The following NRF1 variants were observed in gnomAD, a reference collection of about 807,000 sequenced individuals.
NRF1 encodes alpha palindromic-binding protein.
In NRF1, 5 loss-of-function variants were observed where a neutral mutation model predicts 58.5. The ratio of observed to expected loss-of-function variants is 0.09; its 90% CI spans 0.04 to 0.18. NRF1 has a LOEUF of 0.18. Ranked by LOEUF, NRF1 falls within the 10% of genes least tolerant of loss-of-function variation. The pLI, the probability that NRF1 is intolerant of heterozygous loss-of-function variation, is 1.00. For missense variants in NRF1, 288 were observed against 657.7 expected, an observed-to-expected ratio of 0.44 and a Z score of 6.15; for synonymous variants, 224 against 246.7, an observed-to-expected ratio of 0.91 and a Z score of 0.86.
At chr7:129,744,319 G>A in intron 10 of NRF1, 1 of 1,144,734 alleles carries the variant, frequency 8.7e-7, no homozygotes, top group South Asian at 1.3e-5. Context: ...TGCTTGGATG[G>A]TGGGATTCCT....
rs147986325 is a variant in NRF1, at chr7:129,674,957, G to A, written c.339-2675G>A. ...CTTTCCTGAACGATTTCTCTGTAACGTGGTGCTGTTTGATAGCATTTTACC... is the reference window on the plus strand; with the variant it reads ...CTTTCCTGAACGATTTCTCTGTAACATGGTGCTGTTTGATAGCATTTTACC... On this transcript the variant is annotated intron_variant, in intron 3 of 10. Transcript: ENST00000393232. 9.3e-3 allele frequency among the ~76,000 whole-genome samples: 1,422 copies of A among 152,254 alleles called. 19 individuals carry two copies. The highest frequency in any genetic ancestry group is 0.033 in the African/African-American group (1,355 of 41,538).
At chr7:129,669,300 T>G (rs1801993147) in intron 2 of NRF1, among the ~76,000 whole-genome samples, 1 of 152,198 alleles carries the variant, frequency 6.6e-6, no homozygotes, top group Non-Finnish European at 1.5e-5. Flanking sequence ...AATGTATACT[T>G]GGATTTGTAT....
chr7:129,645,781 A>G (rs1381351237), intron 1 of NRF1, among the ~76,000 whole-genome samples: 6 of 152,152 alleles, frequency 3.9e-5, no homozygotes, highest in Non-Finnish European at 8.8e-5. Flanking sequence ...GATATCACCT[A>G]CTTTCCTGTC....
Position 129,709,228 on chromosome 7 carries a change from CAG to C in NRF1, c.763_764del (p.Arg255GlyfsTer12). ...RSDVRTEEQK[Q>X]RVSWTQALRT... The stretch of plus-strand genomic sequence containing the variant: ...TGATGTCCGCACAGAAGAGCAAAAG[CAG>C]AGGGTGAGAGTTCCTCTGACTGAGT... On this transcript the variant is annotated frameshift_variant, in exon 6 of 11. Transcript: ENST00000393232. LOFTEE classifies it high-confidence loss of function. The C allele has an allele frequency of 6.7e-7, 1 of 1,484,926 alleles. No homozygotes were observed. The highest frequency in any genetic ancestry group is 9.0e-7 in the Non-Finnish European group (1 of 1,108,894). 92.0% of individuals were successfully genotyped at this position (1,484,926 alleles called of 1,614,324 possible). A position where few individuals can be genotyped will look rare whatever the true frequency, so the allele number is the denominator to read the frequency against.
chr7:129,679,544 A>G (rs555861858), intron 4 of NRF1, among the ~76,000 whole-genome samples: 66 of 152,170 alleles, frequency 4.3e-4, no homozygotes, highest in African/African-American at 1.5e-3. Context: ...ATATGGTGAA[A>G]CCCCATCTCT....
intron 9 of NRF1, among the ~76,000 whole-genome samples, chr7:129,721,741 A>G (rs1803332022): frequency 6.6e-6 from 1 of 152,150 alleles, no homozygotes; most frequent in Non-Finnish European, 1.5e-5. Flanking sequence ...TCAGCCTCCC[A>G]AAGTGCTGGG....
chr7:129,686,554 A>G (rs1474762128), intron 4 of NRF1, among the ~76,000 whole-genome samples: 1 of 152,232 alleles, frequency 6.6e-6, no homozygotes, highest in Admixed American at 6.5e-5. Flanking sequence ...ATTAAGCCTC[A>G]GTTTTCTTAT....
intron 8 of NRF1, among the ~76,000 whole-genome samples, chr7:129,713,671 G>A (rs1180822412): frequency 2.0e-5 from 3 of 152,202 alleles, no homozygotes; most frequent in South Asian, 2.1e-4. Context: ...ATAGGTAGGC[G>A]GTAGAGAAAA....
At chr7:129,732,882 G>A (rs184842823) in intron 10 of NRF1, among the ~76,000 whole-genome samples, 2 of 152,218 alleles carry the variant, frequency 1.3e-5, no homozygotes, top group Admixed American at 1.3e-4. Flanking sequence ...ACCAGCCTGG[G>A]CAACATGGTC....
intron 3 of NRF1, among the ~76,000 whole-genome samples, chr7:129,677,016 T>TTTTA (rs1448999395): frequency 6.7e-6 from 1 of 148,620 alleles, no homozygotes; most frequent in Admixed American, 6.8e-5. Context: ...CATTTTTTTT[T>TTTTA]TTTTTTTTTT....
At chr7:129,681,458 C>A (rs1287283169) in intron 4 of NRF1, among the ~76,000 whole-genome samples, 1 of 152,076 alleles carries the variant, frequency 6.6e-6, no homozygotes, top group Non-Finnish European at 1.5e-5. Context: ...CAGAAAAATG[C>A]CTACAAAAAT....
intron 4 of NRF1, among the ~76,000 whole-genome samples, chr7:129,688,692 C>CAG (rs796933983): frequency 2.2e-5 from 3 of 139,450 alleles, no homozygotes; most frequent in African/African-American, 3.4e-5. Flanking sequence ...AGGAGAGAGA[C>CAG]AGAGAGAGAG....
intron 9 of NRF1, 152 bp downstream of exon 9, chr7:129,717,528 A>AT: frequency 2.5e-6 from 2 of 796,668 alleles, no homozygotes; most frequent in Non-Finnish European, 3.8e-6. Context: ...AGTTTGGCCT[A>AT]TAATAGGTCA....
At chr7:129,752,184 C>T (rs912161400) in intron 10 of NRF1, among the ~76,000 whole-genome samples, 3 of 152,212 alleles carry the variant, frequency 2.0e-5, no homozygotes, top group African/African-American at 7.2e-5. Context: ...GTCCCTGGGC[C>T]TCCTGTGAAT....
intron 5 of NRF1, 145 bp downstream of exon 5, chr7:129,690,691 C>T (rs2151092786): frequency 2.4e-6 from 2 of 836,534 alleles, no homozygotes; most frequent in East Asian, 5.7e-5. Context: ...ACAGTAGCAG[C>T]CTTGGAAAAG....
chr7:129,661,142 T>G (rs1801771227), intron 2 of NRF1, among the ~76,000 whole-genome samples: 1 of 151,288 alleles, frequency 6.6e-6, no homozygotes, highest in African/African-American at 2.5e-5. Flanking sequence ...CTGGAGCAGC[T>G]GGGATACAGG....
intron 5 of NRF1, among the ~76,000 whole-genome samples, chr7:129,696,288 T>C (rs538776236): frequency 1.2e-3 from 187 of 152,224 alleles, no homozygotes; most frequent in Non-Finnish European, 2.5e-3. Context: ...AGTTTGATAA[T>C]GTTTCTGCTT....
chr7:129,693,694 T>C (rs1196310028), intron 5 of NRF1, among the ~76,000 whole-genome samples: 9 of 152,302 alleles, frequency 5.9e-5, no homozygotes, highest in Non-Finnish European at 1.3e-4. Context: ...CAGTTTCTAT[T>C]ATTCTGTTTC....
intron 10 of NRF1, among the ~76,000 whole-genome samples, chr7:129,732,678 C>G (rs930631919): frequency 1.3e-5 from 2 of 152,074 alleles, no homozygotes; most frequent in African/African-American, 4.8e-5. Context: ...TCTCAGCTCA[C>G]CGCAACCTCT....
Sources: gnomAD v4.1 joint callset for allele counts (sites outside exome capture counted in the v4.1 genomes callset) on GRCh38, gnomAD v4.1.1 for gene constraint, MANE v1.5 for transcripts, NCBI Gene and HGNC (gene_info 2026-07-23, HGNC 2026-07-21) for gene names.